GRM8: variants seen among roughly 807,000 people sequenced by gnomAD.
GRM8 encodes the protein metabotropic glutamate receptor 8.
A neutral mutation model predicts 87.2 loss-of-function variants in GRM8; 47 were observed. The ratio of observed to expected loss-of-function variants is 0.54; its 90% confidence interval spans 0.43 to 0.69. The LOEUF (loss-of-function observed/expected upper bound fraction) is 0.69. GRM8 is among the 30% of genes least tolerant of loss of function. GRM8 has a pLI of 0.00. For missense variants in GRM8, 1,019 were observed against 1,139.2 expected, an observed-to-expected ratio of 0.89 and a Z score of 1.52; for synonymous variants, 396 against 404.5, an observed-to-expected ratio of 0.98 and a Z score of 0.25.
chr7:127,065,837 A>G (rs1026470750), intron 3 of GRM8, among the ~76,000 whole-genome samples: 1 of 152,216 alleles, frequency 6.6e-6, no homozygotes. Flanking sequence ...TTCCTGGTCA[A>G]AATGAACCAA....
chr7:127,067,599 C>T (rs1821259688), intron 3 of GRM8, among the ~76,000 whole-genome samples: 1 of 152,174 alleles, frequency 6.6e-6, no homozygotes, highest in African/African-American at 2.4e-5. Flanking sequence ...TAGATAAAAG[C>T]AATGCTTTAT....
chr7:126,790,780 G>A (rs935660610), intron 6 of GRM8, among the ~76,000 whole-genome samples: 4 of 152,146 alleles, frequency 2.6e-5, no homozygotes, highest in Admixed American at 2.0e-4. Context: ...GAAGGTGAAT[G>A]AGGAAGGGCA....
chr7:126,931,489 T>C, intron 3 of GRM8, among the ~76,000 whole-genome samples: 1 of 152,202 alleles, frequency 6.6e-6, no homozygotes, highest in East Asian at 1.9e-4. Flanking sequence ...GCATTTCATA[T>C]CATTCACAGA....
At chr7:127,196,242 G>A (rs1795272677) in intron 2 of GRM8, among the ~76,000 whole-genome samples, 1 of 152,168 alleles carries the variant, frequency 6.6e-6, no homozygotes, top group Non-Finnish European at 1.5e-5. Flanking sequence ...GCCCAGCTGG[G>A]CACAGTGGCT....
intron 9 of GRM8, among the ~76,000 whole-genome samples, chr7:126,475,997 T>C (rs1805860957): frequency 6.6e-6 from 1 of 152,136 alleles, no homozygotes; most frequent in Non-Finnish European, 1.5e-5. Context: ...CCTGAAACCT[T>C]AAAACTCTTT....
chr7:126,510,384 AG>A (rs1393831269), intron 9 of GRM8, among the ~76,000 whole-genome samples: 3 of 152,018 alleles, frequency 2.0e-5, no homozygotes, highest in African/African-American at 7.2e-5. Context: ...GTATTCATTA[AG>A]AGATCTATCT....
At chr7:127,187,144 T>A (rs1794781982) in intron 2 of GRM8, among the ~76,000 whole-genome samples, 1 of 152,080 alleles carries the variant, frequency 6.6e-6, no homozygotes. Context: ...CCTACTCTAG[T>A]TGAGAATACA....
chr7:126,540,971 T>C (rs1430868558), intron 8 of GRM8, among the ~76,000 whole-genome samples: 1 of 152,256 alleles, frequency 6.6e-6, no homozygotes, highest in African/African-American at 2.4e-5. Flanking sequence ...TAAGTAGATA[T>C]TTTCAAGTGG....
intron 3 of GRM8, among the ~76,000 whole-genome samples, chr7:126,972,312 C>CA (rs1810509359): frequency 6.6e-6 from 1 of 152,012 alleles, no homozygotes; most frequent in Admixed American, 6.6e-5. Context: ...TCATGCAGAG[C>CA]AAAAAAATTA....
intron 6 of GRM8, among the ~76,000 whole-genome samples, chr7:126,887,641 C>T (rs1367544016): frequency 6.6e-6 from 1 of 152,092 alleles, no homozygotes; most frequent in African/African-American, 2.4e-5. Context: ...ACCTCCCCCT[C>T]GCAATACACA....
At chr7:126,487,046 T>C (rs1807452351) in intron 9 of GRM8, among the ~76,000 whole-genome samples, 1 of 152,090 alleles carries the variant, frequency 6.6e-6, no homozygotes, top group Admixed American at 6.6e-5. Flanking sequence ...AATTACCATA[T>C]CAATTTATCA....
At chr7:126,994,518 A>G (rs1453918990) in intron 3 of GRM8, among the ~76,000 whole-genome samples, 2 of 152,154 alleles carry the variant, frequency 1.3e-5, no homozygotes, top group Non-Finnish European at 2.9e-5. Context: ...ACTTCCCTGA[A>G]GAGTGAGCCC....
At chr7:126,904,775 GTATGAA>G in intron 3 of GRM8, 92 bp from the exon 4 acceptor site, 1 of 1,093,444 alleles carries the variant, frequency 9.1e-7, no homozygotes, top group African/African-American at 1.6e-5. Context: ...ACATACTTCT[GTATGAA>G]TATTATTTCT....
At chr7:127,057,603 A>T (rs1332715594) in intron 3 of GRM8, among the ~76,000 whole-genome samples, 1 of 152,214 alleles carries the variant, frequency 6.6e-6, no homozygotes, top group Non-Finnish European at 1.5e-5. Context: ...ACATATCTCT[A>T]TTATTAAAAT....
intron 3 of GRM8, among the ~76,000 whole-genome samples, chr7:127,045,409 T>C (rs536409374): frequency 3.2e-4 from 48 of 152,224 alleles, no homozygotes; most frequent in African/African-American, 1.1e-3. Context: ...GTTTTCGGTC[T>C]TCAGTCATTC....
intron 8 of GRM8, among the ~76,000 whole-genome samples, chr7:126,584,140 C>G (rs981401323): frequency 6.6e-6 from 1 of 152,158 alleles, no homozygotes; most frequent in Non-Finnish European, 1.5e-5. Flanking sequence ...CACTTTTTAA[C>G]AATTATTATT....
chr7:126,499,793 G>A (rs564349035), intron 9 of GRM8, among the ~76,000 whole-genome samples: 1 of 151,878 alleles, frequency 6.6e-6, no homozygotes, highest in African/African-American at 2.4e-5. Flanking sequence ...CCAGAGGCTG[G>A]GGGGAGGTGG....
Position 126,803,490 on chromosome 7 carries a change from CA to C in GRM8, c.1157-33426del, listed in dbSNP as rs201597493. On this transcript the variant is annotated intron_variant, in intron 6 of 10. Transcript: ENST00000339582. The stretch of plus-strand genomic sequence containing the variant: ...TCTCTTTTCAAATATAAATCAAAGT[CA>C]AAAAAAATTATAGGTAGTTTGAGTC... 1.1e-4 allele frequency among the ~76,000 whole-genome samples: 16 copies of C among 151,702 alleles called. No homozygotes were observed. The East Asian group carries it at 1.9e-3, about 18-fold the overall frequency.
intron 3 of GRM8, among the ~76,000 whole-genome samples, chr7:126,997,546 G>GAA (rs553005806): frequency 0.015 from 1,231 of 81,994 alleles, 6 homozygotes; most frequent in Non-Finnish European, 0.022. Context: ...GCCAGACTAA[G>GAA]AAAAAAAAAA....
Sources: allele counts gnomAD v4.1 joint callset (sites outside exome capture counted in the v4.1 genomes callset), GRCh38; gene constraint gnomAD v4.1.1; transcripts MANE v1.5; gene names NCBI Gene and HGNC (gene_info 2026-07-23, HGNC 2026-07-21).